SUN1: variants seen among roughly 807,000 people sequenced by gnomAD.
SUN1 encodes SUN domain-containing protein 1.
SUN1 carries 61 observed loss-of-function variants against 103.2 expected under a neutral mutation model. The ratio of observed to expected loss-of-function variants is 0.59; its 90% CI spans 0.48 to 0.73. The LOEUF is 0.73. SUN1 is among the 30% of genes least tolerant of loss of function. SUN1 has a pLI of 0.00. For synonymous variants in SUN1, 490 were observed against 425.7 expected, an observed-to-expected ratio of 1.15 and a Z score of -1.86; for missense variants, 1,052 against 1,034.6, an observed-to-expected ratio of 1.02 and a Z score of -0.23.
intron 5 of SUN1, chr7:850,258 G>T: frequency 1.9e-6 from 1 of 514,488 alleles, no homozygotes. Context: ...GAGTGCAGTG[G>T]TGCAATCTTG....
chr7:831,636 T>C (rs369753612), upstream of SUN1, among the ~76,000 whole-genome samples: 8 of 152,388 alleles, frequency 5.2e-5, no homozygotes, highest in South Asian at 1.7e-3. Context: ...GTACAATTTT[T>C]ATATGTAAAC....
rs572804470 is a variant in SUN1, at chr7:871,722, A to G, written c.2149-748A>G. Among the ~76,000 whole-genome samples the G allele has an allele frequency of 4.6e-5, 7 of 152,360 alleles. No homozygotes were observed. In the East Asian group the frequency reaches 1.3e-3, roughly 29 times the overall value. On this transcript the variant is annotated intron_variant, in intron 17 of 18. Transcript: ENST00000401592. ...TATTTCACTGGTGATTATCAGAGGC[A>G]GTAGTTACATCTACTCACTCGCTGG...
intron 1 of SUN1, chr7:816,956 G>T (rs1023215783): frequency 2.0e-5 from 3 of 153,196 alleles, no homozygotes; most frequent in South Asian, 3.9e-4. Flanking sequence ...GTGGCGCGGG[G>T]TCGGGGGCGG....
chr7:841,446 G>T (rs1018504456), intron 2 of SUN1, among the ~76,000 whole-genome samples: 3 of 151,830 alleles, frequency 2.0e-5, no homozygotes, highest in Non-Finnish European at 4.4e-5. Flanking sequence ...GTTTCACCGT[G>T]TTGGCCAGGA....
intron 1 of SUN1, 140 bp downstream of exon 1, chr7:832,741 C>T (rs1799128558): frequency 1.4e-6 from 1 of 709,176 alleles, no homozygotes; most frequent in Non-Finnish European, 2.4e-6. Flanking sequence ...TAAACTGTAT[C>T]TTATGGCTTT....
chr7:834,602 C>A (rs1368698009), intron 1 of SUN1, among the ~76,000 whole-genome samples: 2 of 152,180 alleles, frequency 1.3e-5, no homozygotes, highest in Non-Finnish European at 2.9e-5. Context: ...TAGCCCTGAC[C>A]TCTTTTCTGA....
intron 16 of SUN1, among the ~76,000 whole-genome samples, chr7:868,212 C>T (rs567718353): frequency 3.9e-5 from 6 of 152,374 alleles, no homozygotes; most frequent in African/African-American, 4.8e-5. Flanking sequence ...TCTCCTCCTC[C>T]GTTGCGCACA....
intron 15 of SUN1, among the ~76,000 whole-genome samples, chr7:863,114 C>T (rs1365383024): frequency 6.6e-6 from 1 of 152,164 alleles, no homozygotes; most frequent in Non-Finnish European, 1.5e-5. Flanking sequence ...TGCACTCCAG[C>T]CTGGGTGACA....
chr7:816,484 C>T (rs1041576340), upstream of SUN1: 1 of 238,116 alleles, frequency 4.2e-6, no homozygotes, highest in African/African-American at 2.4e-5. Context: ...TCCTCCTCGC[C>T]CCTCCGCCCG....
upstream of SUN1, chr7:816,558 G>A (rs993687499): frequency 2.6e-6 from 1 of 391,500 alleles, no homozygotes; most frequent in African/African-American, 2.2e-5. Flanking sequence ...ACTGGTGAAG[G>A]CCTGCGTTGC....
chr7:853,230 A>G, intron 9 of SUN1, 179 bp from the exon 10 acceptor site: 1 of 765,896 alleles, frequency 1.3e-6, no homozygotes, highest in Non-Finnish European at 2.1e-6. Context: ...AATGAGAAGC[A>G]CCCATAGTCA....
chr7:825,868 G>T (rs1791259901), intron 1 of SUN1, among the ~76,000 whole-genome samples: 1 of 150,500 alleles, frequency 6.6e-6, no homozygotes, highest in African/African-American at 2.4e-5. Context: ...AAGATCTAAG[G>T]ACGATAATTA....
chr7:826,938 T>G (rs1425444374), intron 1 of SUN1, among the ~76,000 whole-genome samples: 1 of 152,250 alleles, frequency 6.6e-6, no homozygotes, highest in Admixed American at 6.5e-5. Context: ...TTTTAAAGTT[T>G]GCCTTTTCCA....
intron 9 of SUN1, 170 bp from the exon 10 acceptor site, chr7:853,239 C>G (rs1435632909): frequency 5.1e-6 from 4 of 791,848 alleles, no homozygotes; most frequent in Non-Finnish European, 7.9e-6. Context: ...CACCCATAGT[C>G]AGCCATGTAA....
intron 15 of SUN1, among the ~76,000 whole-genome samples, chr7:863,269 C>A (rs1430720882): frequency 6.6e-6 from 1 of 151,318 alleles, no homozygotes; most frequent in Non-Finnish European, 1.5e-5. Context: ...AGCGCCAGGG[C>A]CCCTGGAGTG....
In SUN1 at chr7:842,140, T is replaced by C; in HGVS notation, c.451+10T>C. 1 of 1,606,384 alleles carries C rather than the reference T, an allele frequency of 6.2e-7. No homozygotes were observed. The highest frequency in any genetic ancestry group is 1.1e-5 in the South Asian group (1 of 90,766). The stretch of plus-strand genomic sequence containing the variant: ...GTGGACCACTTCTGGGGTGAGTCCC[T>C]GCGAGACACAGATTGTCCCGCCTAC... On this transcript the variant is annotated intron_variant, in intron 3 of 18. Transcript: ENST00000401592.
chr7:820,007 C>T (rs917352722), intron 1 of SUN1, among the ~76,000 whole-genome samples: 3 of 152,148 alleles, frequency 2.0e-5, no homozygotes, highest in East Asian at 3.8e-4. Flanking sequence ...GCTAGGAAGT[C>T]GGGGTCCTCC....
At chr7:817,281 G>T (rs536485769) in intron 1 of SUN1, 4 of 774,114 alleles carry the variant, frequency 5.2e-6, no homozygotes, top group African/African-American at 5.1e-5. Context: ...TTTTTGTAGG[G>T]TTGTGGTCTC....
At chr7:844,013 C>T (rs909400886) in intron 5 of SUN1, 3 of 487,324 alleles carry the variant, frequency 6.2e-6, no homozygotes, top group Non-Finnish European at 8.2e-6. Flanking sequence ...GAAGGACACA[C>T]GTGACTCTGG....
Sources: gnomAD v4.1 joint callset for allele counts (sites outside exome capture counted in the v4.1 genomes callset) on GRCh38, gnomAD v4.1.1 for gene constraint, MANE v1.5 for transcripts, NCBI Gene and HGNC (gene_info 2026-07-23, HGNC 2026-07-21) for gene names.